Variants in RIGI observed in about 807,000 individuals in gnomAD.
The protein encoded by RIGI is RNA sensor RIG-I.
At chr9:32,514,534 A>G in the RIGI span, among the ~76,000 whole-genome samples, 1 of 152,094 alleles carries the variant, frequency 6.6e-6, no homozygotes, top group Non-Finnish European at 1.5e-5. Flanking sequence ...GTAAGAACAC[A>G]TGGACACAGG....
chr9:32,495,114 G>A, the RIGI span, among the ~76,000 whole-genome samples: 6 of 152,236 alleles, frequency 3.9e-5, no homozygotes, highest in Admixed American at 3.9e-4. Context: ...GTTTTCCATG[G>A]CTGTTAACAC....
the RIGI span, chr9:32,480,428 G>A: frequency 2.2e-6 from 3 of 1,363,150 alleles, no homozygotes; most frequent in Non-Finnish European, 2.9e-6. Flanking sequence ...TCAATTCGTT[G>A]TATTTAACGA....
At chr9:32,487,899 G>C in the RIGI span, 1,538 of 1,596,546 alleles carry the variant, frequency 9.6e-4, 12 homozygotes, top group African/African-American at 0.018. Context: ...ATAGGAGTTA[G>C]GAAGATTATA....
the RIGI span, chr9:32,488,337 T>C: frequency 1.1e-6 from 1 of 893,450 alleles, no homozygotes; most frequent in Non-Finnish European, 1.7e-6. Flanking sequence ...AGGCAAGTCC[T>C]TAGCACAGAG....
At chr9:32,480,094 C>T in the RIGI span, 1 of 1,033,230 alleles carries the variant, frequency 9.7e-7, no homozygotes. Flanking sequence ...CTCCATCTTC[C>T]TACATCCAGG....
At chr9:32,494,707 C>T in the RIGI span, among the ~76,000 whole-genome samples, 1 of 152,140 alleles carries the variant, frequency 6.6e-6, no homozygotes, top group Non-Finnish European at 1.5e-5. Context: ...CTCCTGGTAA[C>T]CACCACTCTT....
At chr9:32,465,196 C>T in the RIGI span, among the ~76,000 whole-genome samples, 1 of 152,148 alleles carries the variant, frequency 6.6e-6, no homozygotes, top group East Asian at 1.9e-4. Flanking sequence ...AAATAATTTC[C>T]CTGCAATTCT....
the RIGI span, among the ~76,000 whole-genome samples, chr9:32,459,901 G>A: frequency 6.6e-6 from 1 of 152,126 alleles, no homozygotes; most frequent in Non-Finnish European, 1.5e-5. Context: ...CCATTTGCAG[G>A]CACAAACTCA....
chr9:32,456,950 G>A, the RIGI span: 1 of 594,018 alleles, frequency 1.7e-6, no homozygotes, highest in African/African-American at 1.9e-5. Context: ...ACTCAGTGCT[G>A]TGATTCACTC....
chr9:32,508,644 G>A, the RIGI span, among the ~76,000 whole-genome samples: 1 of 151,982 alleles, frequency 6.6e-6, no homozygotes, highest in Admixed American at 6.5e-5. Context: ...TGCCACCAGG[G>A]ATCTGGGTTT....
At chr9:32,464,319 C>A in the RIGI span, among the ~76,000 whole-genome samples, 2 of 152,156 alleles carry the variant, frequency 1.3e-5, no homozygotes, top group African/African-American at 4.8e-5. Flanking sequence ...GGGCTCACCC[C>A]TAGAACCATA....
At chr9:32,510,798 G>A in the RIGI span, among the ~76,000 whole-genome samples, 1 of 152,086 alleles carries the variant, frequency 6.6e-6, no homozygotes, top group Non-Finnish European at 1.5e-5. Flanking sequence ...CTGGCAAATT[G>A]GATAAAGAGT....
chr9:32,482,216 TTTGA>T, the RIGI span, among the ~76,000 whole-genome samples: 31 of 151,844 alleles, frequency 2.0e-4, no homozygotes, highest in East Asian at 1.5e-3. Flanking sequence ...TGTGTGTGTG[TTTGA>T]TTGTTTCTTG....
the RIGI span, among the ~76,000 whole-genome samples, chr9:32,500,390 A>G: frequency 6.6e-6 from 1 of 152,124 alleles, no homozygotes; most frequent in African/African-American, 2.4e-5. Flanking sequence ...GACTTCTTTA[A>G]TATCTTTTAA....
chr9:32,468,072 C>G, the RIGI span: 1 of 717,354 alleles, frequency 1.4e-6, no homozygotes, highest in African/African-American at 1.8e-5. Context: ...CACAACACAC[C>G]TAGGCAGTGG....
At chr9:32,507,936 G>A in the RIGI span, among the ~76,000 whole-genome samples, 2 of 152,122 alleles carry the variant, frequency 1.3e-5, no homozygotes, top group Non-Finnish European at 2.9e-5. Flanking sequence ...CATGGCCATA[G>A]CTGATATAAC....
At chr9:32,501,891 G>T in the RIGI span, among the ~76,000 whole-genome samples, 1 of 152,168 alleles carries the variant, frequency 6.6e-6, no homozygotes, top group African/African-American at 2.4e-5. Context: ...TCTCTGTCTT[G>T]ACAACAATAA....
At chr9:32,486,505 AG>A in the RIGI span, among the ~76,000 whole-genome samples, 1 of 151,740 alleles carries the variant, frequency 6.6e-6, no homozygotes, top group Non-Finnish European at 1.5e-5. Flanking sequence ...CACAAAACAC[AG>A]GGAAAGTAAC....
the RIGI span, among the ~76,000 whole-genome samples, chr9:32,525,726 T>G: frequency 6.6e-6 from 1 of 152,212 alleles, no homozygotes; most frequent in Non-Finnish European, 1.5e-5. Context: ...GCCCTTATCT[T>G]ATTTCTCAAT....
Sources: gnomAD v4.1 joint callset for allele counts (sites outside exome capture counted in the v4.1 genomes callset) on GRCh38, gnomAD v4.1.1 for gene constraint, MANE v1.5 for transcripts, NCBI Gene and HGNC (gene_info 2026-07-23, HGNC 2026-07-21) for gene names.